RPS6KC1: variants seen among roughly 807,000 people sequenced by gnomAD.
RPS6KC1 encodes inactive ribosomal protein S6 kinase delta-1.
A neutral mutation model predicts 103.8 loss-of-function variants in RPS6KC1; 54 were observed. The ratio of observed to expected loss-of-function variants is 0.52; its 90% CI spans 0.42 to 0.65. The LOEUF (loss-of-function observed/expected upper bound fraction) is 0.65, where lower values mean the gene tolerates loss of function less well. Among genes scored for constraint, RPS6KC1 ranks in the 30% least tolerant of loss-of-function variants. The pLI is 0.00. For synonymous variants in RPS6KC1, 439 were observed against 438.7 expected, an observed-to-expected ratio of 1.00 and a Z score of -0.01; for missense variants, 1,151 against 1,253.8, an observed-to-expected ratio of 0.92 and a Z score of 1.24.
the RPS6KC1 span, among the ~76,000 whole-genome samples, chr1:213,356,637 C>T: frequency 1.3e-5 from 2 of 152,192 alleles, no homozygotes; most frequent in East Asian, 3.8e-4. Flanking sequence ...GCCTTGGTGA[C>T]AAGAGCAAAG....
chr1:213,056,138 G>T lies in RPS6KC1; in HGVS notation c.105+4629G>T, dbSNP rs568344645. Among the ~76,000 whole-genome samples the T allele has an allele frequency of 7.2e-5, 11 of 152,242 alleles. No individual in the cohort carries two copies. In the East Asian group the frequency reaches 2.1e-3, roughly 29 times the overall value. ...ATAAATCCTAGTTTTATTATACGTA[G>T]CTAGTGTTTGTTGAGTAATAACAGC... On this transcript the variant is annotated intron_variant, in intron 1 of 14. Transcript: ENST00000366960.
the RPS6KC1 span, among the ~76,000 whole-genome samples, chr1:213,847,348 T>C: frequency 6.6e-6 from 1 of 152,274 alleles, no homozygotes; most frequent in East Asian, 1.9e-4. Context: ...CCCAGGAGGT[T>C]GCTTGTTGGA....
At chr1:213,168,088 A>G (rs1207265231) in intron 7 of RPS6KC1, 115 bp downstream of exon 7, 2 of 581,276 alleles carry the variant, frequency 3.4e-6, no homozygotes, top group African/African-American at 3.8e-5. Context: ...TTTATTAATG[A>G]TTTTCATAAA....
At chr1:213,715,920 CT>C in the RPS6KC1 span, among the ~76,000 whole-genome samples, 1 of 152,090 alleles carries the variant, frequency 6.6e-6, no homozygotes, top group Non-Finnish European at 1.5e-5. Context: ...GATTTGAATG[CT>C]TTTAAATATG....
chr1:213,151,240 C>T (rs551760174), intron 6 of RPS6KC1, among the ~76,000 whole-genome samples: 2,931 of 121,710 alleles, frequency 0.024, 23 homozygotes, highest in African/African-American at 0.05. Context: ...ACCTCCCTCC[C>T]GGACGGGGCG....
the RPS6KC1 span, among the ~76,000 whole-genome samples, chr1:213,558,041 G>A: frequency 4.6e-5 from 7 of 152,116 alleles, no homozygotes; most frequent in Non-Finnish European, 7.3e-5. Context: ...ATCCTTCCAT[G>A]TTACACACAC....
the RPS6KC1 span, among the ~76,000 whole-genome samples, chr1:213,760,975 A>T: frequency 6.6e-6 from 1 of 151,460 alleles, no homozygotes; most frequent in Non-Finnish European, 1.5e-5. Context: ...TAAGGCTCCA[A>T]CAAAATGTTT....
At chr1:213,056,795 C>G (rs530499173) in intron 1 of RPS6KC1, among the ~76,000 whole-genome samples, 4 of 150,910 alleles carry the variant, frequency 2.7e-5, no homozygotes, top group African/African-American at 9.7e-5. Flanking sequence ...ATACTCTTTC[C>G]TTTTGTCTTG....
the RPS6KC1 span, among the ~76,000 whole-genome samples, chr1:213,692,944 T>C: frequency 6.6e-6 from 1 of 152,206 alleles, no homozygotes; most frequent in Non-Finnish European, 1.5e-5. Flanking sequence ...GCTGCCCTGC[T>C]CATGTCTGCC....
At chr1:213,420,911 G>A in the RPS6KC1 span, among the ~76,000 whole-genome samples, 2 of 152,128 alleles carry the variant, frequency 1.3e-5, no homozygotes, top group Non-Finnish European at 2.9e-5. Context: ...CTTTATGGCA[G>A]CATCACTCCA....
chr1:213,119,544 T>G (rs946497793), intron 5 of RPS6KC1, among the ~76,000 whole-genome samples: 7 of 145,918 alleles, frequency 4.8e-5, no homozygotes, highest in Admixed American at 6.9e-5. Flanking sequence ...TGCAGAATGT[T>G]TCTTTTCTCT....
intron 8 of RPS6KC1, among the ~76,000 whole-genome samples, chr1:213,184,252 C>A (rs553225659): frequency 4.6e-5 from 7 of 151,892 alleles, no homozygotes; most frequent in Admixed American, 4.6e-4. Flanking sequence ...TTTTATGAGA[C>A]CAGTATTACT....
chr1:213,107,238 G>A (rs2082589759), intron 4 of RPS6KC1, among the ~76,000 whole-genome samples: 1 of 152,116 alleles, frequency 6.6e-6, no homozygotes, highest in African/African-American at 2.4e-5. Context: ...TACTGTGCCT[G>A]GCCAACATCC....
At chr1:213,234,491 G>C (rs1333794392) in intron 10 of RPS6KC1, among the ~76,000 whole-genome samples, 1 of 152,178 alleles carries the variant, frequency 6.6e-6, no homozygotes. Flanking sequence ...TTTAAGAGAA[G>C]TTCTGAATGG....
the RPS6KC1 span, among the ~76,000 whole-genome samples, chr1:213,496,405 A>G: frequency 6.6e-6 from 1 of 152,190 alleles, no homozygotes; most frequent in Non-Finnish European, 1.5e-5. Flanking sequence ...AACAAACACA[A>G]AAACAAATGA....
rs192689176 is a variant in RPS6KC1 at position 213,185,936 on chromosome 1, A to G, written c.1044+9444A>G. Among the ~76,000 whole-genome samples the G allele has an allele frequency of 2.7e-3, 404 of 151,926 alleles. 3 individuals are homozygous for G. The highest frequency in any genetic ancestry group is 9.0e-3 in the African/African-American group (375 of 41,492). On this transcript the variant is annotated intron_variant, in intron 8 of 14. Coordinates refer to ENST00000366960, the MANE Select transcript of RPS6KC1 (RefSeq NM_012424.6). The stretch of plus-strand genomic sequence containing the variant: ...TTACAAAAAATATCTTACAAATATA[A>G]CAAGAGACAGTTCATCTTAGGTCAC...
chr1:213,633,938 G>C, the RPS6KC1 span, among the ~76,000 whole-genome samples: 1 of 111,126 alleles, frequency 9.0e-6, no homozygotes, highest in Non-Finnish European at 1.8e-5. Flanking sequence ...CCTAGTCTGT[G>C]ATAAAACAGA....
the RPS6KC1 span, among the ~76,000 whole-genome samples, chr1:213,355,158 A>G: frequency 6.6e-6 from 1 of 152,116 alleles, no homozygotes; most frequent in Non-Finnish European, 1.5e-5. Context: ...CAGAGGTTGC[A>G]GTGAACTGAG....
intron 3 of RPS6KC1, among the ~76,000 whole-genome samples, chr1:213,095,033 G>A (rs188603518): frequency 6.6e-6 from 1 of 152,258 alleles, no homozygotes; most frequent in Admixed American, 6.5e-5. Flanking sequence ...CTTCCTGACA[G>A]CATCCAATCC....
Sources: gnomAD v4.1 joint callset for allele counts (sites outside exome capture counted in the v4.1 genomes callset) on GRCh38, gnomAD v4.1.1 for gene constraint, MANE v1.5 for transcripts, NCBI Gene and HGNC (gene_info 2026-07-23, HGNC 2026-07-21) for gene names.